LARGE1: variants seen among roughly 807,000 people sequenced by gnomAD.
LARGE1 encodes LARGE xylosyl- and glucuronyltransferase 1, also known as xylosyl- and glucuronyltransferase LARGE1.
In LARGE1, 43 loss-of-function variants were observed where a neutral mutation model predicts 87.6. That is an observed-to-expected ratio of 0.49 (90% CI 0.38 to 0.63). The LOEUF (loss-of-function observed/expected upper bound fraction) is 0.63, where lower values mean the gene tolerates loss of function less well. Ranked by LOEUF, LARGE1 falls within the 30% of genes least tolerant of loss-of-function variation. LARGE1 has a pLI of 0.00. For synonymous variants in LARGE1, 434 were observed against 394.6 expected (o/e 1.10, Z -1.18); for missense variants, 802 against 1,000.2 (o/e 0.80, Z 2.67).
At chr22:33,834,485 C>T (rs12330018) in intron 1 of LARGE1, among the ~76,000 whole-genome samples, 50,683 of 151,968 alleles carry the variant, frequency 0.33, 8,854 homozygotes, top group South Asian at 0.43. Context: ...ACCTTGTGTC[C>T]CCCACCCCTG....
intron 2 of LARGE1, among the ~76,000 whole-genome samples, chr22:33,738,298 G>T (rs533720407): frequency 6.6e-6 from 1 of 152,252 alleles, no homozygotes; most frequent in South Asian, 2.1e-4. Context: ...GAGTTAAATA[G>T]ATCCTAGGAG....
At chr22:33,276,994 C>T (rs1929434150) in intron 14 of LARGE1, 66 bp downstream of exon 14, 3 of 1,485,546 alleles carry the variant, frequency 2.0e-6, no homozygotes, top group African/African-American at 1.4e-5. Context: ...CCAAGGATCC[C>T]TTAAGCTCTA....
intron 6 of LARGE1, among the ~76,000 whole-genome samples, chr22:33,549,248 C>T (rs968599927): frequency 1.3e-5 from 2 of 152,192 alleles, no homozygotes; most frequent in African/African-American, 2.4e-5. Context: ...CATTGACAGG[C>T]CACATATGTC....
At chr22:33,426,536 T>C (rs1458935210) in intron 7 of LARGE1, among the ~76,000 whole-genome samples, 1 of 152,208 alleles carries the variant, frequency 6.6e-6, no homozygotes, top group Non-Finnish European at 1.5e-5. Flanking sequence ...TGAGCCTAGA[T>C]TGCATATTTC....
chr22:33,084,433 A>G, the LARGE1 span, among the ~76,000 whole-genome samples: 1 of 151,646 alleles, frequency 6.6e-6, no homozygotes, highest in Non-Finnish European at 1.5e-5. Context: ...CCAAGGTGGG[A>G]GGATGGCTTG....
chr22:33,394,502 G>C (rs1248804312), intron 7 of LARGE1, among the ~76,000 whole-genome samples: 1 of 152,068 alleles, frequency 6.6e-6, no homozygotes, highest in Admixed American at 6.6e-5. Flanking sequence ...CCAGCCAGAT[G>C]ACCTCTGATT....
intron 9 of LARGE1, 23 bp from the exon 10 acceptor site, chr22:33,337,824 G>A (rs778213976): frequency 2.5e-6 from 4 of 1,614,052 alleles, no homozygotes; most frequent in South Asian, 1.1e-5. Context: ...TAAGGAAGTG[G>A]TCAGGTATGG....
intron 2 of LARGE1, among the ~76,000 whole-genome samples, chr22:33,757,338 T>G (rs2084554403): frequency 6.6e-6 from 1 of 151,958 alleles, no homozygotes; most frequent in South Asian, 2.1e-4. Flanking sequence ...CGGGGAAGAT[T>G]CTGGTCATTT....
intron 9 of LARGE1, among the ~76,000 whole-genome samples, chr22:33,339,309 G>A (rs1601512274): frequency 3.9e-5 from 6 of 152,166 alleles, no homozygotes; most frequent in Middle Eastern, 3.4e-3. Context: ...CTCATTTGGA[G>A]CATGAGAACT....
In LARGE1 at chr22:33,445,082, G is replaced by A. The variant is rs531331563; in HGVS notation, c.788-12817C>T. Among the ~76,000 whole-genome samples, 17 of 152,182 alleles carry A rather than the reference G, an allele frequency of 1.1e-4. No homozygotes were observed. In the South Asian group the frequency reaches 1.7e-3, roughly 15 times the overall value. ...TGACCTCAGGTGATCCGCCCGCCAC[G>A]GCCTCCCAAAGTGCTGGGATTACAG... On this transcript the variant is annotated intron_variant, in intron 6 of 14. Transcript: ENST00000397394.
intron 11 of LARGE1, among the ~76,000 whole-genome samples, chr22:33,223,685 T>C (rs1925570300): frequency 6.6e-6 from 1 of 152,212 alleles, no homozygotes; most frequent in Non-Finnish European, 1.5e-5. Flanking sequence ...AGAGGTCACC[T>C]ACTGGATTAG....
chr22:33,577,622 A>C lies in LARGE1; in HGVS notation c.616-12603T>G, dbSNP rs142296623. Among the ~76,000 whole-genome samples, 114 of 152,332 alleles carry C rather than the reference A, an allele frequency of 7.5e-4. 2 individuals are homozygous for C. In the East Asian group the frequency reaches 0.015, roughly 20 times the overall value. ...CATAGGCTGCAATTAAAGAAGCCCC[A>C]CACTGCTCTACATTAATGAGGCACT... On this transcript the variant is annotated intron_variant, in intron 5 of 14. Coordinates refer to ENST00000397394, the MANE Select transcript of LARGE1 (RefSeq NM_133642.5).
intron 7 of LARGE1, among the ~76,000 whole-genome samples, chr22:33,404,420 C>A (rs895785125): frequency 6.6e-6 from 1 of 152,300 alleles, no homozygotes; most frequent in South Asian, 2.1e-4. Flanking sequence ...TAAATGTTAG[C>A]TAGGACTATT....
intron 5 of LARGE1, among the ~76,000 whole-genome samples, chr22:33,565,467 T>C (rs1176225664): frequency 1.3e-5 from 2 of 152,246 alleles, no homozygotes; most frequent in East Asian, 3.8e-4. Context: ...CATTAAAGAT[T>C]AGTGGGCAGT....
chr22:33,199,593 A>G (rs1924267068), intron 11 of LARGE1, among the ~76,000 whole-genome samples: 1 of 152,200 alleles, frequency 6.6e-6, no homozygotes, highest in African/African-American at 2.4e-5. Flanking sequence ...CAATTTTCCC[A>G]GCACTATTTA....
chr22:33,159,965 A>G (rs889078237), downstream of LARGE1, among the ~76,000 whole-genome samples: 28 of 151,762 alleles, frequency 1.8e-4, no homozygotes, highest in African/African-American at 5.1e-4. Flanking sequence ...AATCAAAAAG[A>G]GAAACAAAAT....
At chr22:33,219,440 A>G (rs935457714) in intron 11 of LARGE1, among the ~76,000 whole-genome samples, 1 of 152,218 alleles carries the variant, frequency 6.6e-6, no homozygotes, top group Non-Finnish European at 1.5e-5. Context: ...CTTGTTAACA[A>G]TCTTCCCAGG....
At chr22:33,890,508 A>G (rs1470141790) in intron 1 of LARGE1, among the ~76,000 whole-genome samples, 1 of 152,186 alleles carries the variant, frequency 6.6e-6, no homozygotes, top group African/African-American at 2.4e-5. Flanking sequence ...GCAAGAAATG[A>G]AAAAACTGAG....
downstream of LARGE1, among the ~76,000 whole-genome samples, chr22:33,157,453 C>T (rs189766629): frequency 6.6e-6 from 1 of 152,236 alleles, no homozygotes; most frequent in Non-Finnish European, 1.5e-5. Context: ...TGGCCTGGCC[C>T]CTCCCCACTT....
Sources: allele counts gnomAD v4.1 joint callset (sites outside exome capture counted in the v4.1 genomes callset), GRCh38; gene constraint gnomAD v4.1.1; transcripts MANE v1.5; gene names NCBI Gene and HGNC (gene_info 2026-07-23, HGNC 2026-07-21).